CLOCK: variants seen among roughly 807,000 people sequenced by gnomAD.
CLOCK encodes clock circadian regulator.
CLOCK carries 43 observed loss-of-function variants against 118.4 expected under a neutral mutation model. The observed-to-expected ratio is 0.36, with a 90% confidence interval of 0.28 to 0.47. CLOCK has a LOEUF of 0.47. CLOCK is among the 20% of genes least tolerant of loss of function. CLOCK has a pLI of 1.00. For missense variants in CLOCK, 846 were observed against 999.9 expected, an observed-to-expected ratio of 0.85 and a Z score of 2.08; for synonymous variants, 326 against 339.2, an observed-to-expected ratio of 0.96 and a Z score of 0.43.
chr4:55,525,605 A>G (rs1385017032), intron 1 of CLOCK, among the ~76,000 whole-genome samples: 1 of 152,080 alleles, frequency 6.6e-6, no homozygotes, highest in East Asian at 1.9e-4. Context: ...CGAGTAGCTG[A>G]TTACAGGTGT....
At position 55,478,897 on chromosome 4, in the gene CLOCK, T is replaced by A. The variant is rs745776843; in HGVS notation, c.174A>T (p.Gly58=). Residue 58 remains glycine (G), a synonymous_variant, in exon 6 of 23, where the codon GGA becomes GGT. Transcript: ENST00000513440. ...DQFNVLIKEL[G]SMLPGNARKM... is the part of the protein sequence containing the mutation. ...TTCTAGCATTACCAGGAAGCATGGA[T>A]CCCAGTTCTTTAATGAGAACATTAA... 3.7e-6 allele frequency: 6 copies of A among 1,610,662 alleles called. No homozygotes were observed. Among genetic ancestry groups the A allele is most frequent in the Non-Finnish European group, 5.1e-6 (6 of 1,177,814 alleles).
rs1232080674 is a variant in CLOCK at position 55,428,153 on chromosome 4, AGAG to A, written c.*7259_*7261del. 3 of 152,208 alleles carry A rather than the reference AGAG, an allele frequency of 2.0e-5. No homozygotes were observed. The highest frequency in any genetic ancestry group is 2.9e-5 in the Non-Finnish European group (2 of 68,042). The allele number at this position is 152,208 out of a possible 1,614,324, so 9.4% of individuals were successfully genotyped here. A position where few individuals can be genotyped will look rare whatever the true frequency, so the allele number is the denominator to read the frequency against. ...AAGTTTAGGTTCTGAATACATGACA[AGAG>A]TATGGGAAAGAGCAGAATAATAGTA... On this transcript the variant is annotated 3_prime_UTR_variant, in exon 23 of 23. Transcript: ENST00000513440.
At chr4:55,532,636 G>A (rs756936126) in intron 1 of CLOCK, among the ~76,000 whole-genome samples, 3 of 152,142 alleles carry the variant, frequency 2.0e-5, no homozygotes, top group Admixed American at 1.3e-4. Context: ...GGAGGCCAAG[G>A]TGGGAGAACT....
chr4:55,476,078 T>C, intron 6 of CLOCK, 24 bp from the exon 7 acceptor site: 8 of 1,508,246 alleles, frequency 5.3e-6, no homozygotes, highest in Non-Finnish European at 6.5e-6. Context: ...GACATATTAG[T>C]GGCATACTCC....
chr4:55,460,040 T>C (rs560859423), intron 9 of CLOCK, among the ~76,000 whole-genome samples: 1 of 152,346 alleles, frequency 6.6e-6, no homozygotes, highest in South Asian at 2.1e-4. Context: ...ATTATAGATC[T>C]CCTTCCTTTT....
chr4:55,520,245 C>G lies in CLOCK; in HGVS notation c.-289-10180G>C, dbSNP rs576765190. 1.6e-4 allele frequency among the ~76,000 whole-genome samples: 25 copies of G among 152,280 alleles called. No individual in the cohort carries two copies. The South Asian group carries it at 5.0e-3, about 30-fold the overall frequency. On this transcript the variant is annotated intron_variant, in intron 1 of 22. Coordinates refer to ENST00000513440, the MANE Select transcript of CLOCK (RefSeq NM_004898.4). ...ACAAAAACAACCTCATACCACAATC[C>G]TTAAAATTATCACTGCCCCCACACC...
intron 1 of CLOCK, among the ~76,000 whole-genome samples, chr4:55,530,862 A>G (rs1730500353): frequency 6.6e-6 from 1 of 151,750 alleles, no homozygotes; most frequent in Non-Finnish European, 1.5e-5. Context: ...AAGAAACAGT[A>G]AATCTAACCA....
chr4:55,544,341 T>C (rs1242578176), intron 1 of CLOCK, among the ~76,000 whole-genome samples: 1 of 152,180 alleles, frequency 6.6e-6, no homozygotes, highest in African/African-American at 2.4e-5. Flanking sequence ...TAATTGTTTG[T>C]CATGAAACTT....
rs1722366929 is a variant in CLOCK, at chr4:55,429,270, T to C, written c.*6145A>G. On this transcript the variant is annotated 3_prime_UTR_variant, in exon 23 of 23. Coordinates refer to ENST00000513440, the MANE Select transcript of CLOCK (RefSeq NM_004898.4). ...ACCCTCAGAGTTAAGAAATATTTTT[T>C]AGATCATTAAATTCAATTGTGGTTG... The C allele has an allele frequency of 6.6e-6, 1 of 152,202 alleles. No individual in the cohort carries two copies. Among genetic ancestry groups the C allele is most frequent in the African/African-American group, 2.4e-5 (1 of 41,448 alleles). The allele number at this position is 152,202 out of a possible 1,614,324, so 9.4% of individuals were successfully genotyped here. A position where few individuals can be genotyped will look rare whatever the true frequency, so the allele number is the denominator to read the frequency against.
chr4:55,523,687 A>G (rs1020085711), intron 1 of CLOCK, among the ~76,000 whole-genome samples: 1 of 152,148 alleles, frequency 6.6e-6, no homozygotes, highest in African/African-American at 2.4e-5. Context: ...ACCTCTCCAG[A>G]TACATCTCCA....
intron 6 of CLOCK, 110 bp downstream of exon 6, chr4:55,478,705 G>T: frequency 9.4e-7 from 1 of 1,063,144 alleles, no homozygotes; most frequent in Non-Finnish European, 1.4e-6. Flanking sequence ...AAATGCAATT[G>T]ATTTCTCTCT....
chr4:55,532,952 G>A (rs1279729035), intron 1 of CLOCK, among the ~76,000 whole-genome samples: 3 of 152,026 alleles, frequency 2.0e-5, no homozygotes, highest in Non-Finnish European at 2.9e-5. Flanking sequence ...ACAAAACATC[G>A]CTAAAAGAAA....
Position 55,438,354 on chromosome 4 carries a change from C to A in CLOCK, c.2289G>T (p.Gln763His), listed in dbSNP as rs563950782. 1 of 1,613,816 alleles carries A rather than the reference C, an allele frequency of 6.2e-7. No homozygotes were observed. Among genetic ancestry groups the A allele is most frequent in the Non-Finnish European group, 8.5e-7 (1 of 1,179,996 alleles). Reference protein sequence around the residue: ...VTQQQQQQSSQEQQLTSVQQP... With the variant: ...VTQQQQQQSSHEQQLTSVQQP... ...GCTGAACTGAAGTGAGCTGCTGCTCCTGGGAGCTCTGCTGCTGCTGCTGCT... is the reference window on the plus strand; with the variant it reads ...GCTGAACTGAAGTGAGCTGCTGCTCATGGGAGCTCTGCTGCTGCTGCTGCT... The change falls in exon 22 of 23, where the codon CAG becomes CAT. Residue 763 changes from glutamine to histidine, a missense_variant. Physicochemically the swap from Gln to His is conservative, Grantham distance 24. Transcript: ENST00000513440.
In CLOCK at chr4:55,546,818, C is replaced by G. The variant is rs867416646; in HGVS notation, c.-326G>C. The G allele has an allele frequency of 6.6e-6, 1 of 152,256 alleles. No homozygotes were observed. Among genetic ancestry groups the G allele is most frequent in the Admixed American group, 6.5e-5 (1 of 15,274 alleles). The allele number at this position is 152,256 out of a possible 1,614,324, so 9.4% of individuals were successfully genotyped here. A position where few individuals can be genotyped will look rare whatever the true frequency, so the allele number is the denominator to read the frequency against. Reference sequence around the variant, plus strand: ...GCGGCGGCGGCGGCCAGATTTCCTTCGCGCTCTCGCTCTCCGGGGTTTCCT... The same window carrying G: ...GCGGCGGCGGCGGCCAGATTTCCTTGGCGCTCTCGCTCTCCGGGGTTTCCT... On this transcript the variant is annotated 5_prime_UTR_variant, in exon 1 of 23. Transcript: ENST00000513440.
intron 6 of CLOCK, among the ~76,000 whole-genome samples, chr4:55,477,562 A>G (rs181492026): frequency 9.2e-5 from 14 of 152,252 alleles, no homozygotes; most frequent in Admixed American, 5.9e-4. Context: ...AAGTTAAGAG[A>G]AAGAGGTAAC....
At chr4:55,469,080 GT>G (rs1725933586) in intron 8 of CLOCK, among the ~76,000 whole-genome samples, 2 of 151,864 alleles carry the variant, frequency 1.3e-5, no homozygotes, top group Non-Finnish European at 2.9e-5. Context: ...CATCTTACTA[GT>G]TTATGTATTT....
At chr4:55,510,261 T>C (rs1729053280) in intron 1 of CLOCK, among the ~76,000 whole-genome samples, 196 bp from the exon 2 acceptor site, 1 of 152,032 alleles carries the variant, frequency 6.6e-6, no homozygotes, top group Non-Finnish European at 1.5e-5. Flanking sequence ...GGACAAAAAG[T>C]TTGAAAAATC....
chr4:55,496,307 G>C (rs1294229869), intron 2 of CLOCK, among the ~76,000 whole-genome samples: 1 of 152,092 alleles, frequency 6.6e-6, no homozygotes, highest in Non-Finnish European at 1.5e-5. Flanking sequence ...ATCTTTGTTG[G>C]AGCCTCAGTT....
intron 22 of CLOCK, among the ~76,000 whole-genome samples, chr4:55,437,567 A>G (rs774280255): frequency 6.6e-6 from 1 of 152,214 alleles, no homozygotes; most frequent in Admixed American, 6.5e-5. Context: ...ACATTTGTCA[A>G]TATAGCGGTC....
Sources: allele counts gnomAD v4.1 joint callset (sites outside exome capture counted in the v4.1 genomes callset), GRCh38; gene constraint gnomAD v4.1.1; transcripts MANE v1.5; gene names NCBI Gene and HGNC (gene_info 2026-07-23, HGNC 2026-07-21).